The following GARIN5B variants were observed in gnomAD, a reference collection of about 807,000 sequenced individuals.
The protein encoded by GARIN5B is Golgi-associated RAB2 interactor protein 5B.
At chr19:55,362,417 T>C in the GARIN5B span, 2 of 1,550,426 alleles carry the variant, frequency 1.3e-6, no homozygotes, top group South Asian at 1.2e-5. Flanking sequence ...GGCCAGGTAG[T>C]ACTGGCGGCC....
chr19:55,361,644 G>GTCCCTCCTCCCTCAGACCCAGGAGTC, the GARIN5B span, among the ~76,000 whole-genome samples: 3 of 11,946 alleles, frequency 2.5e-4, no homozygotes, highest in Non-Finnish European at 7.7e-4. Flanking sequence ...GGAGTCCAGG[G>GTCCCTCCTCCCTCAGACCCAGGAGTC]CCCCAGCCTC....
At chr19:55,361,586 C>CCTCA in the GARIN5B span, among the ~76,000 whole-genome samples, 368 of 138,008 alleles carry the variant, frequency 2.7e-3, 28 homozygotes, top group South Asian at 9.7e-3. Flanking sequence ...GCCGCTCCTC[C>CCTCA]GTCAGACCCA....
chr19:55,361,933 T>C, the GARIN5B span, among the ~76,000 whole-genome samples: 62 of 111,328 alleles, frequency 5.6e-4, no homozygotes, highest in African/African-American at 2.0e-3. Context: ...AGGCCCCCAG[T>C]CCCTCCTCCC....
At chr19:55,360,574 T>C in the GARIN5B span, 3 of 1,009,240 alleles carry the variant, frequency 3.0e-6, no homozygotes, top group Non-Finnish European at 3.9e-6. Flanking sequence ...CCACCCCTCC[T>C]CCCTCAGACC....
At chr19:55,358,763 A>G in the GARIN5B span, 1 of 1,549,660 alleles carries the variant, frequency 6.5e-7, no homozygotes, top group Non-Finnish European at 8.7e-7. Flanking sequence ...GGCCGTGATC[A>G]TGAGCTTGGT....
At chr19:55,362,624 C>T in the GARIN5B span, 11 of 1,547,228 alleles carry the variant, frequency 7.1e-6, no homozygotes, top group Admixed American at 2.0e-5. Flanking sequence ...GCGGGCTGGC[C>T]GATCAGCAAG....
the GARIN5B span, among the ~76,000 whole-genome samples, chr19:55,357,234 T>C: frequency 1.6e-4 from 24 of 152,200 alleles, no homozygotes; most frequent in African/African-American, 5.8e-4. Flanking sequence ...AGGTGCCCAC[T>C]CTTGCCCCCC....
At chr19:55,359,402 G>A in the GARIN5B span, 2 of 1,550,086 alleles carry the variant, frequency 1.3e-6, no homozygotes, top group South Asian at 2.4e-5. Flanking sequence ...GGCCTTTCGG[G>A]GAGAAGCTGA....
At chr19:55,360,970 C>T in the GARIN5B span, 1 of 1,548,120 alleles carries the variant, frequency 6.5e-7, no homozygotes, top group Non-Finnish European at 8.7e-7. Flanking sequence ...TTCTCCCACC[C>T]ACCCACCGGC....
chr19:55,362,964 A>T, the GARIN5B span: 1 of 1,497,220 alleles, frequency 6.7e-7, no homozygotes, highest in Non-Finnish European at 8.9e-7. Context: ...AGGGGCAGGT[A>T]CTCGCCCTTC....
the GARIN5B span, chr19:55,355,292 A>G: frequency 9.7e-6 from 15 of 1,547,560 alleles, no homozygotes; most frequent in African/African-American, 1.5e-4. Flanking sequence ...GACAGTTTCC[A>G]ACTGAGGTTA....
chr19:55,358,949 C>A, the GARIN5B span: 1 of 1,551,226 alleles, frequency 6.4e-7, no homozygotes, highest in Non-Finnish European at 8.7e-7. Context: ...CTCCAACTTC[C>A]CCTGGCCCCT....
chr19:55,361,248 G>A, the GARIN5B span: 2 of 1,550,840 alleles, frequency 1.3e-6, no homozygotes, highest in South Asian at 1.2e-5. Flanking sequence ...ACTGGGAAGA[G>A]AGGAGACATC....
At chr19:55,362,622 G>A in the GARIN5B span, 1 of 1,547,324 alleles carries the variant, frequency 6.5e-7, no homozygotes. Flanking sequence ...CGGCGGGCTG[G>A]CCGATCAGCA....
chr19:55,359,870 C>T, the GARIN5B span: 10 of 1,551,540 alleles, frequency 6.4e-6, no homozygotes, highest in Non-Finnish European at 8.7e-6. Context: ...GTCCAGGGAG[C>T]TGCAGGAGCC....
At chr19:55,360,743 T>C in the GARIN5B span, 1 of 1,551,728 alleles carries the variant, frequency 6.4e-7, no homozygotes, top group Non-Finnish European at 8.7e-7. Flanking sequence ...ATGCTGAAGA[T>C]GGTCCAGGTG....
At chr19:55,360,731 T>C in the GARIN5B span, 3 of 1,551,694 alleles carry the variant, frequency 1.9e-6, no homozygotes, top group Non-Finnish European at 2.6e-6. Context: ...GTGCTGGAAA[T>C]GATGCTGAAG....
At chr19:55,359,905 A>G in the GARIN5B span, 2 of 1,551,324 alleles carry the variant, frequency 1.3e-6, no homozygotes, top group Admixed American at 2.0e-5. Flanking sequence ...CAGGGCTGTC[A>G]GCTGAGACAC....
chr19:55,363,047 C>T, the GARIN5B span: 2 of 1,497,924 alleles, frequency 1.3e-6, no homozygotes, highest in Non-Finnish European at 1.8e-6. The surrounding 1 kb of genome is among the most constrained non-coding windows in gnomAD (Gnocchi z 4.0). Context: ...AAGGCACCTC[C>T]TGTTTCGAAG....
Sources: gnomAD v4.1 joint callset for allele counts (sites outside exome capture counted in the v4.1 genomes callset) on GRCh38, gnomAD v4.1.1 for gene constraint, Gnocchi (gnomAD v3.1) non-coding constraint, MANE v1.5 for transcripts, NCBI Gene and HGNC (gene_info 2026-07-23, HGNC 2026-07-21) for gene names.